The following WIPI2 variants were observed in gnomAD, a reference collection of about 807,000 sequenced individuals.
WIPI2 encodes WD repeat domain, phosphoinositide interacting 2, also known as WD repeat domain phosphoinositide-interacting protein 2.
A neutral mutation model predicts 52.3 loss-of-function variants in WIPI2; 28 were observed. That is an observed-to-expected ratio of 0.54 (90% CI 0.40 to 0.73). The LOEUF (loss-of-function observed/expected upper bound fraction) is 0.73. Ranked by LOEUF, WIPI2 falls within the 30% of genes least tolerant of loss-of-function variation. The pLI, the probability that WIPI2 is intolerant of heterozygous loss-of-function variation, is 0.00. For missense variants in WIPI2, 506 were observed against 602.9 expected, an observed-to-expected ratio of 0.84 and a Z score of 1.68; for synonymous variants, 268 against 245.0, an observed-to-expected ratio of 1.09 and a Z score of -0.88.
At chr7:5,212,181 C>T (rs546847887) in intron 3 of WIPI2, among the ~76,000 whole-genome samples, 32 of 152,196 alleles carry the variant, frequency 2.1e-4, no homozygotes, top group East Asian at 1.9e-3. Context: ...CTATGACAGG[C>T]GACATTAGAC....
Position 5,230,834 on chromosome 7 carries a change from G to T in WIPI2, c.1253-1G>T. Reference sequence around the variant, plus strand: ...AGGGTGACTTCGTCGTCTCTTTGCAGCCTACACAGACGACCTGGGTGCTGT... The same window carrying T: ...AGGGTGACTTCGTCGTCTCTTTGCATCCTACACAGACGACCTGGGTGCTGT... On this transcript the variant is annotated splice_acceptor_variant, in intron 12 of 12. Transcript: ENST00000288828. LOFTEE classifies it high-confidence loss of function. The surrounding 1 kb of genome is among the most constrained non-coding windows in gnomAD (Gnocchi z 4.8). 6.2e-7 allele frequency: 1 copy of T among 1,612,776 alleles called. No homozygotes were observed. Among genetic ancestry groups the T allele is most frequent in the Non-Finnish European group, 8.5e-7 (1 of 1,179,296 alleles).
intron 11 of WIPI2, among the ~76,000 whole-genome samples, chr7:5,228,767 C>T (rs1583596688): frequency 6.6e-6 from 1 of 152,222 alleles, no homozygotes; most frequent in Non-Finnish European, 1.5e-5. Context: ...GTCTCACCCT[C>T]GCCCAGGCTG....
At chr7:5,218,041 A>G (rs1184809441) in intron 7 of WIPI2, 27 bp downstream of exon 7, 1 of 1,612,032 alleles carries the variant, frequency 6.2e-7, no homozygotes, top group East Asian at 2.2e-5. Context: ...CCGGGGGAGC[A>G]CTGGTGCCAA....
Position 5,227,370 on chromosome 7 carries a change from C to A in WIPI2, c.1013+26C>A. On this transcript the variant is annotated intron_variant, in intron 10 of 12. Coordinates refer to ENST00000288828, the MANE Select transcript of WIPI2 (RefSeq NM_015610.4). The surrounding 1 kb of genome is among the most constrained non-coding windows in gnomAD (Gnocchi z 8.1). ...GTGAGTAGAGCCGGCGCCTCCGTCC[C>A]CCACCCCGTGTGCCTCAGGCCGAGG... 2 of 1,607,692 alleles carry A rather than the reference C, an allele frequency of 1.2e-6. No homozygotes were observed. The highest frequency in any genetic ancestry group is 2.2e-5 in the East Asian group (1 of 44,842).
At chr7:5,229,940 T>C (rs1358394217) in intron 12 of WIPI2, among the ~76,000 whole-genome samples, 1 of 151,678 alleles carries the variant, frequency 6.6e-6, no homozygotes, top group Admixed American at 6.6e-5. Flanking sequence ...TTTTTTTTTT[T>C]TTTTTTTAAA....
intron 2 of WIPI2, among the ~76,000 whole-genome samples, chr7:5,194,932 C>G (rs528921931): frequency 6.6e-6 from 1 of 152,232 alleles, no homozygotes; most frequent in Admixed American, 6.5e-5. Flanking sequence ...CCTCCAGGCT[C>G]AGGAATGGGC....
chr7:5,195,378 C>T (rs1015168045), intron 2 of WIPI2, among the ~76,000 whole-genome samples: 25 of 152,008 alleles, frequency 1.6e-4, no homozygotes, highest in African/African-American at 4.1e-4. Context: ...CCCAGCTACT[C>T]GGGAGGCTGA....
At chr7:5,217,369 G>C in intron 6 of WIPI2, 182 bp downstream of exon 6, 2 of 636,046 alleles carry the variant, frequency 3.1e-6, no homozygotes, top group Non-Finnish European at 5.6e-6. Flanking sequence ...CAGTGGTGCA[G>C]TCCTAGCTCA....
chr7:5,229,403 TC>T (rs1783608019), intron 11 of WIPI2: 2 of 519,890 alleles, frequency 3.8e-6, no homozygotes, highest in Non-Finnish European at 3.4e-6. Context: ...TAGGTATAAC[TC>T]CCTCTTTAGA....
At chr7:5,219,953 A>T (rs1484681001) in intron 7 of WIPI2, among the ~76,000 whole-genome samples, 1 of 151,348 alleles carries the variant, frequency 6.6e-6, no homozygotes, top group Non-Finnish European at 1.5e-5. Context: ...TTCCTACTTC[A>T]GCCTCCCAAG....
rs372527835 is a variant in WIPI2, at chr7:5,229,647, C to T, written c.1161C>T (p.Asp387=). 4 of 1,613,962 alleles carry T rather than the reference C, an allele frequency of 2.5e-6. No individual in the cohort carries two copies. The highest frequency in any genetic ancestry group is 3.4e-6 in the Non-Finnish European group (4 of 1,179,938). The change falls in exon 12 of 13, where the codon GAC becomes GAT. Residue 387 remains aspartate, a synonymous_variant. Transcript: ENST00000288828. The stretch of plus-strand genomic sequence containing the variant: ...TGGAAACGACCAATGAGATCTTGGA[C>T]TCTGCCTCTCACGACTGCCCCTTAG... ...GSLETTNEIL[D]SASHDCPLVT... is the part of the protein sequence containing the mutation.
At chr7:5,198,397 ACCT>A (rs1482619529) in intron 2 of WIPI2, among the ~76,000 whole-genome samples, 1 of 150,590 alleles carries the variant, frequency 6.6e-6, no homozygotes, top group Non-Finnish European at 1.5e-5. Context: ...CACTGCAGCC[ACCT>A]CCTCCCAGGT....
chr7:5,205,627 C>T (rs1460107717), intron 3 of WIPI2, among the ~76,000 whole-genome samples: 1 of 152,160 alleles, frequency 6.6e-6, no homozygotes, highest in Admixed American at 6.5e-5. Context: ...GCCTTAGCCT[C>T]CTTAGTAGCT....
chr7:5,198,733 T>TA (rs1781873773), intron 2 of WIPI2, among the ~76,000 whole-genome samples: 1 of 152,226 alleles, frequency 6.6e-6, no homozygotes, highest in Admixed American at 6.5e-5. Flanking sequence ...ATCCCAAACT[T>TA]AAAGTTTTAT....
chr7:5,207,029 C>A (rs575405163), intron 3 of WIPI2, among the ~76,000 whole-genome samples: 36 of 152,260 alleles, frequency 2.4e-4, no homozygotes, highest in African/African-American at 8.2e-4. Flanking sequence ...TCCACATCAG[C>A]CTCCCAGAGT....
At chr7:5,214,232 G>A (rs1782700236) in intron 3 of WIPI2, 2 of 1,312,204 alleles carry the variant, frequency 1.5e-6, no homozygotes, top group Admixed American at 3.1e-5. Flanking sequence ...ACTTTACCTA[G>A]GAGTTTGGTT....
rs756387831 is a variant in WIPI2, at chr7:5,227,522, G to T, written c.1013+178G>T. ...TGGCAGGCACTAGGCTTGCCGCTCT[G>T]TGCGGGGGTCCATTTCCAGACGGGC... On this transcript the variant is annotated intron_variant, in intron 10 of 12. Transcript: ENST00000288828. The surrounding 1 kb of genome is among the most constrained non-coding windows in gnomAD (Gnocchi z 8.1). Among the ~76,000 whole-genome samples the T allele has an allele frequency of 7.2e-5, 11 of 152,348 alleles. No individual in the cohort carries two copies. The highest frequency in any genetic ancestry group is 1.6e-4 in the Non-Finnish European group (11 of 68,040).
In WIPI2 at chr7:5,228,225, G is replaced by T. The variant is rs752420483; in HGVS notation, c.1121+14G>T. Reference sequence around the variant, plus strand: ...GAAGCAGCACCGGTGAGTCTGCTCCGGCCGCTTCACGGAGCTGCTCCGTGC... The same window carrying T: ...GAAGCAGCACCGGTGAGTCTGCTCCTGCCGCTTCACGGAGCTGCTCCGTGC... On this transcript the variant is annotated intron_variant, in intron 11 of 12. Transcript: ENST00000288828. 19 of 1,606,046 alleles carry T rather than the reference G, an allele frequency of 1.2e-5. No homozygotes were observed. Among genetic ancestry groups the T allele is most frequent in the Non-Finnish European group, 1.5e-5 (18 of 1,177,200 alleles).
rs770516343 is a variant in WIPI2 at position 5,190,419 on chromosome 7, C to T, written c.-1C>T. On this transcript the variant is annotated 5_prime_UTR_variant, in exon 1 of 13. Coordinates refer to ENST00000288828, the MANE Select transcript of WIPI2 (RefSeq NM_015610.4). ...CGGGCCCACTCGCCGCGCGCCCAGC[C>T]ATGAACCTGGCGAGCCAGAGCGGGG... 66 of 1,458,096 alleles carry T rather than the reference C, an allele frequency of 4.5e-5. No individual in the cohort carries two copies. The highest frequency in any genetic ancestry group is 5.7e-5 in the Non-Finnish European group (63 of 1,099,558). The allele number at this position is 1,458,096 out of a possible 1,614,324, so 90.3% of individuals were successfully genotyped here.
Sources: gnomAD v4.1 joint callset for allele counts (sites outside exome capture counted in the v4.1 genomes callset) on GRCh38, gnomAD v4.1.1 for gene constraint, Gnocchi (gnomAD v3.1) non-coding constraint, MANE v1.5 for transcripts, NCBI Gene and HGNC (gene_info 2026-07-23, HGNC 2026-07-21) for gene names.